The following HOGA1 variants were observed in gnomAD, a reference collection of about 807,000 sequenced individuals.
HOGA1 encodes 4-hydroxy-2-oxoglutarate aldolase, mitochondrial.
In HOGA1, 30 loss-of-function variants were observed where a neutral mutation model predicts 34.3. That is an observed-to-expected ratio of 0.87 (90% CI 0.65 to 1.19). The LOEUF is 1.19. Among genes scored for constraint, HOGA1 ranks in the 50% most tolerant of loss-of-function variants. HOGA1 has a pLI of 0.00. For missense variants in HOGA1, 417 were observed against 436.5 expected (o/e 0.96, Z 0.40); for synonymous variants, 161 against 174.0 (o/e 0.93, Z 0.59).
intron 6 of HOGA1, among the ~76,000 whole-genome samples, chr10:97,607,093 GA>G (rs1350608326): frequency 1.5e-5 from 2 of 131,522 alleles, no homozygotes; most frequent in African/African-American, 5.9e-5. Flanking sequence ...AACATGGCCA[GA>G]CCCCATCTCT....
At chr10:97,594,596 G>A (rs1448523469) in intron 1 of HOGA1, among the ~76,000 whole-genome samples, 2 of 151,798 alleles carry the variant, frequency 1.3e-5, no homozygotes, top group South Asian at 2.1e-4. Context: ...CTTGTGGTTC[G>A]CCCGCCTCGG....
intron 6 of HOGA1, 29 bp from the exon 7 acceptor site, chr10:97,611,481 A>C: frequency 6.2e-7 from 1 of 1,614,056 alleles, no homozygotes. Context: ...CAAATTTCTC[A>C]GTCTCTTCTA....
intron 6 of HOGA1, chr10:97,602,550 A>G: frequency 1.0e-6 from 1 of 985,400 alleles, no homozygotes; most frequent in South Asian, 4.7e-5. Context: ...CTGAAGTCTG[A>G]GGCAACAGAA....
At chr10:97,610,199 G>A (rs1045770894) in intron 6 of HOGA1, among the ~76,000 whole-genome samples, 2 of 152,218 alleles carry the variant, frequency 1.3e-5, no homozygotes, top group African/African-American at 4.8e-5. Flanking sequence ...CAGGCGCCGT[G>A]GCTCATGCCT....
At chr10:97,591,521 C>T (rs2041022373) in intron 1 of HOGA1, among the ~76,000 whole-genome samples, 1 of 152,104 alleles carries the variant, frequency 6.6e-6, no homozygotes, top group African/African-American at 2.4e-5. Context: ...TTTGCTGCAC[C>T]TATCAACACG....
intron 6 of HOGA1, among the ~76,000 whole-genome samples, chr10:97,605,158 C>G (rs1300531971): frequency 5.9e-5 from 9 of 152,088 alleles, no homozygotes; most frequent in Non-Finnish European, 1.3e-4. Context: ...CCTGTAACCC[C>G]ATCATTTTGG....
Position 97,599,009 on chromosome 10 carries a change from G to A in HOGA1, c.341-80G>A, listed in dbSNP as rs1328194460. The A allele has an allele frequency of 1.1e-5, 18 of 1,604,848 alleles. No individual in the cohort carries two copies. In the East Asian group the frequency reaches 3.8e-4, roughly 34 times the overall value. ...CCTTGTTCTGCCTCTTCTGGGACAT[G>A]CTGAGGCACCTTCGCTTGGCCCAGT... On this transcript the variant is annotated intron_variant, in intron 2 of 6. Transcript: ENST00000370646.
At chr10:97,602,018 C>T in intron 6 of HOGA1, 28 bp downstream of exon 6, 3 of 1,597,308 alleles carry the variant, frequency 1.9e-6, no homozygotes, top group Non-Finnish European at 2.6e-6. Context: ...GGGGCGCGGC[C>T]TGGCGGGGGG....
At position 97,611,670 on chromosome 10, in the gene HOGA1, G is replaced by T; in HGVS notation, c.*11G>T. ...AACGGCTGGCTCTGAGGGCAGGCAG[G>T]GTCCATGGCTGGCCTGAGCCCATCT... On this transcript the variant is annotated 3_prime_UTR_variant, in exon 7 of 7. Transcript: ENST00000370646. 1 of 1,610,474 alleles carries T rather than the reference G, an allele frequency of 6.2e-7. No individual in the cohort carries two copies. The highest frequency in any genetic ancestry group is 8.5e-7 in the Non-Finnish European group (1 of 1,179,338).
intron 6 of HOGA1, among the ~76,000 whole-genome samples, chr10:97,610,258 A>G (rs2041185217): frequency 6.6e-6 from 1 of 152,142 alleles, no homozygotes; most frequent in Admixed American, 6.6e-5. Context: ...ACTTGAGCTC[A>G]GGAGTTTGTG....
chr10:97,606,534 C>T (rs997800856), intron 6 of HOGA1, among the ~76,000 whole-genome samples: 15 of 151,978 alleles, frequency 9.9e-5, no homozygotes, highest in Non-Finnish European at 2.1e-4. Context: ...GAACTGCTTG[C>T]GTGCCTTTGT....
intron 1 of HOGA1, among the ~76,000 whole-genome samples, chr10:97,593,762 G>A (rs545339322): frequency 2.0e-5 from 3 of 152,278 alleles, no homozygotes; most frequent in East Asian, 1.9e-4. Flanking sequence ...CTGGGTAGCC[G>A]ACTTGAGCTT....
chr10:97,586,939 C>A (rs1297389635), intron 1 of HOGA1, among the ~76,000 whole-genome samples: 1 of 152,158 alleles, frequency 6.6e-6, no homozygotes, highest in African/African-American at 2.4e-5. Context: ...AGGACCTGGG[C>A]AAGAATCCTG....
intron 6 of HOGA1, chr10:97,602,529 T>A: frequency 1.0e-6 from 1 of 985,414 alleles, no homozygotes; most frequent in Non-Finnish European, 1.2e-6. Flanking sequence ...CCCATCAAGT[T>A]CAGGGTCATT....
intron 1 of HOGA1, among the ~76,000 whole-genome samples, chr10:97,591,530 C>T (rs920905313): frequency 2.0e-5 from 3 of 152,162 alleles, no homozygotes; most frequent in Non-Finnish European, 4.4e-5. Flanking sequence ...CCTATCAACA[C>T]GTCACCTAAG....
intron 1 of HOGA1, among the ~76,000 whole-genome samples, chr10:97,592,172 A>G (rs1038374023): frequency 6.6e-6 from 1 of 151,554 alleles, no homozygotes; most frequent in Non-Finnish European, 1.5e-5. Context: ...TCTGGTCATC[A>G]TATTATAGCT....
rs776817346 is a variant in HOGA1, at chr10:97,601,855, A to G, written c.701-2A>G. ...TGATGTTCTGCGTCTTACTTCGTGC[A>G]GGAGCTGTGGGGGGCGTCTGCGCCC... On this transcript the variant is annotated splice_acceptor_variant, in intron 5 of 6. Coordinates refer to ENST00000370646, the MANE Select transcript of HOGA1 (RefSeq NM_138413.4). LOFTEE classifies it high-confidence loss of function. 1 of 1,612,124 alleles carries G rather than the reference A, an allele frequency of 6.2e-7. No homozygotes were observed. Among genetic ancestry groups the G allele is most frequent in the South Asian group, 1.1e-5 (1 of 90,986 alleles).
chr10:97,604,051 CA>C (rs1239137285), intron 6 of HOGA1, among the ~76,000 whole-genome samples: 1 of 152,216 alleles, frequency 6.6e-6, no homozygotes, highest in African/African-American at 2.4e-5. Flanking sequence ...AAGGATCCCT[CA>C]TGTCATCCTC....
chr10:97,585,365 T>C (rs1427905323), intron 1 of HOGA1, among the ~76,000 whole-genome samples: 1 of 152,206 alleles, frequency 6.6e-6, no homozygotes, highest in East Asian at 1.9e-4. Context: ...AGTTCTCCTG[T>C]GACCCCTTGG....
Sources: allele counts gnomAD v4.1 joint callset (sites outside exome capture counted in the v4.1 genomes callset), GRCh38; gene constraint gnomAD v4.1.1; transcripts MANE v1.5; gene names NCBI Gene and HGNC (gene_info 2026-07-23, HGNC 2026-07-21).